The following LOC400499 variants were observed in gnomAD, a reference collection of about 807,000 sequenced individuals.
chr16:11,428,380 G>A, the LOC400499 span, among the ~76,000 whole-genome samples: 1 of 152,176 alleles, frequency 6.6e-6, no homozygotes, highest in East Asian at 1.9e-4. Flanking sequence ...CACCATGTTG[G>A]CCAGGCTAGT....
the LOC400499 span, chr16:11,404,768 C>T: frequency 2.5e-6 from 1 of 399,100 alleles, no homozygotes; most frequent in Non-Finnish European, 4.4e-6. Context: ...TGAGGGCCAC[C>T]TCCTGGCCAT....
the LOC400499 span, chr16:11,462,525 G>T: frequency 1.4e-6 from 1 of 723,738 alleles, no homozygotes; most frequent in Non-Finnish European, 1.7e-6. Context: ...CACCTCCTGG[G>T]TTCAAGTGAT....
chr16:11,435,930 G>C, the LOC400499 span: 12 of 398,884 alleles, frequency 3.0e-5, no homozygotes, highest in Non-Finnish European at 4.9e-5. Flanking sequence ...TCCTGGGTGT[G>C]GGGGAGGGCT....
the LOC400499 span, among the ~76,000 whole-genome samples, chr16:11,499,457 G>A: frequency 6.6e-6 from 1 of 152,182 alleles, no homozygotes; most frequent in East Asian, 1.9e-4. Flanking sequence ...CACCTGCTAG[G>A]CTGTGAACTG....
chr16:11,417,586 G>A, the LOC400499 span: 16 of 397,476 alleles, frequency 4.0e-5, no homozygotes, highest in South Asian at 1.8e-3. Context: ...CCCAGGCATG[G>A]AGGAAGCCAG....
At chr16:11,518,233 G>A in the LOC400499 span, among the ~76,000 whole-genome samples, 1 of 152,192 alleles carries the variant, frequency 6.6e-6, no homozygotes, top group Non-Finnish European at 1.5e-5. Flanking sequence ...GGTATCCCTA[G>A]ACAAAGGCTT....
chr16:11,435,584 T>A, the LOC400499 span: 1 of 398,754 alleles, frequency 2.5e-6, no homozygotes, highest in East Asian at 3.6e-5. Flanking sequence ...TGAGTGAGGA[T>A]CTCCCATATC....
the LOC400499 span, among the ~76,000 whole-genome samples, chr16:11,511,844 T>C: frequency 1.3e-5 from 2 of 150,538 alleles, no homozygotes; most frequent in South Asian, 2.1e-4. Flanking sequence ...CTGGGCAACA[T>C]AGCAAGACCC....
chr16:11,517,709 C>A, the LOC400499 span, among the ~76,000 whole-genome samples: 1 of 152,158 alleles, frequency 6.6e-6, no homozygotes, highest in Non-Finnish European at 1.5e-5. Context: ...AGAATTCAGC[C>A]CCGTGCTCCT....
At chr16:11,417,458 C>G in the LOC400499 span, among the ~76,000 whole-genome samples, 1 of 148,692 alleles carries the variant, frequency 6.7e-6, no homozygotes, top group Non-Finnish European at 1.5e-5. Context: ...AACTAATCCA[C>G]CTGCCTTGGG....
the LOC400499 span, chr16:11,502,220 CG>C: frequency 1.0e-5 from 4 of 398,668 alleles, no homozygotes; most frequent in Admixed American, 1.3e-4. Flanking sequence ...CCCAGCAGTG[CG>C]GGGGATCCCC....
At chr16:11,410,379 G>A in the LOC400499 span, among the ~76,000 whole-genome samples, 1 of 152,116 alleles carries the variant, frequency 6.6e-6, no homozygotes, top group Non-Finnish European at 1.5e-5. Flanking sequence ...GCTTGAACCG[G>A]GGAGGCGGAG....
the LOC400499 span, among the ~76,000 whole-genome samples, chr16:11,379,071 C>T: frequency 6.6e-6 from 1 of 152,168 alleles, no homozygotes; most frequent in African/African-American, 2.4e-5. Flanking sequence ...CAAGAGCAGC[C>T]TGGACAACAT....
At chr16:11,393,397 C>T in the LOC400499 span, 3 of 1,232,322 alleles carry the variant, frequency 2.4e-6, no homozygotes, top group East Asian at 3.2e-5. Flanking sequence ...TCACCCTCCT[C>T]ATGGGCCACA....
chr16:11,466,093 T>C, the LOC400499 span, among the ~76,000 whole-genome samples: 1 of 152,200 alleles, frequency 6.6e-6, no homozygotes, highest in South Asian at 2.1e-4. Flanking sequence ...CCACGGACTA[T>C]TACACAGCAA....
chr16:11,509,111 CT>C, the LOC400499 span, among the ~76,000 whole-genome samples: 2 of 105,284 alleles, frequency 1.9e-5, no homozygotes, highest in Non-Finnish European at 4.3e-5. Flanking sequence ...ACTGAGTATC[CT>C]TTTTTTTCTT....
At chr16:11,505,440 C>CTTTTTTTTTTTTTTTT in the LOC400499 span, among the ~76,000 whole-genome samples, 1 of 75,334 alleles carries the variant, frequency 1.3e-5, no homozygotes, top group African/African-American at 5.0e-5. Context: ...TTTAATTTTT[C>CTTTTTTTTTTTTTTTT]TTTTCTTTTT....
At chr16:11,475,044 G>A in the LOC400499 span, among the ~76,000 whole-genome samples, 6 of 152,156 alleles carry the variant, frequency 3.9e-5, no homozygotes, top group East Asian at 1.2e-3. Flanking sequence ...GTAAAGTGTT[G>A]ATTTATTGAG....
At chr16:11,521,209 G>A in the LOC400499 span, among the ~76,000 whole-genome samples, 1 of 152,150 alleles carries the variant, frequency 6.6e-6, no homozygotes. Context: ...ACTCTTGCTA[G>A]CAAGTGCTCC....
Sources: gnomAD v4.1 joint callset for allele counts (sites outside exome capture counted in the v4.1 genomes callset) on GRCh38, gnomAD v4.1.1 for gene constraint, MANE v1.5 for transcripts.